DNM3: variants seen among roughly 807,000 people sequenced by gnomAD.
DNM3 encodes the protein dynamin-3.
DNM3 carries 47 observed loss-of-function variants against 101.6 expected under a neutral mutation model. That is an observed-to-expected ratio of 0.46 (90% CI 0.37 to 0.59). The LOEUF is 0.59. Ranked by LOEUF, DNM3 falls within the 20% of genes least tolerant of loss-of-function variation. The probability of loss-of-function intolerance (pLI) is 0.00; values close to 1 mark genes in which losing one functional copy is unlikely to be tolerated. For synonymous variants in DNM3, 385 were observed against 387.9 expected (o/e 0.99, Z 0.09); for missense variants, 849 against 1,085.7 (o/e 0.78, Z 3.06).
intron 1 of DNM3, among the ~76,000 whole-genome samples, chr1:171,867,949 C>T (rs950372723): frequency 6.6e-6 from 1 of 152,080 alleles, no homozygotes; most frequent in Non-Finnish European, 1.5e-5. Context: ...TATCACTTAA[C>T]ATTTTTGTTT....
At chr1:172,418,255 GTTTT>G (rs2071500520) in intron 20 of DNM3, 1 of 1,268,060 alleles carries the variant, frequency 7.9e-7, no homozygotes, top group Admixed American at 2.4e-5. Context: ...TTGTTATTTT[GTTTT>G]GTTTTGTTTT....
At chr1:171,911,273 C>CTTTTTTTTTT (rs151321245) in intron 1 of DNM3, among the ~76,000 whole-genome samples, 2 of 90,752 alleles carry the variant, frequency 2.2e-5, no homozygotes, top group African/African-American at 4.3e-5. Context: ...ACCCCAACAT[C>CTTTTTTTTTT]TTTTTTTTTT....
intron 17 of DNM3, among the ~76,000 whole-genome samples, chr1:172,337,173 A>G (rs77849943): frequency 1.1e-3 from 168 of 152,306 alleles, no homozygotes; most frequent in African/African-American, 4.0e-3. Flanking sequence ...TTACTATTTA[A>G]TAAGGCCCTG....
chr1:172,106,822 T>G lies in DNM3; in HGVS notation c.1545+13947T>G, dbSNP rs554554797. Among the ~76,000 whole-genome samples, 290 of 146,840 alleles carry G rather than the reference T, an allele frequency of 2.0e-3. 3 individuals carry two copies. The highest frequency in any genetic ancestry group is 6.8e-3 in the African/African-American group (276 of 40,298). ...GTTTGCCATTGAACGAATTTTCTTA[T>G]TATTCAATTTAAGGTAACATTATTC... is the stretch of plus-strand genomic sequence containing the variant. On this transcript the variant is annotated intron_variant, in intron 13 of 20. Transcript: ENST00000627582.
chr1:171,907,173 T>A (rs2038899786), intron 1 of DNM3, among the ~76,000 whole-genome samples: 1 of 152,228 alleles, frequency 6.6e-6, no homozygotes, highest in Non-Finnish European at 1.5e-5. Context: ...ACAGTTGATT[T>A]TTAATGGCTA....
chr1:172,301,182 T>C (rs2064430647), intron 15 of DNM3, among the ~76,000 whole-genome samples: 1 of 152,108 alleles, frequency 6.6e-6, no homozygotes, highest in Non-Finnish European at 1.5e-5. Context: ...GAAAGGTAAT[T>C]AGGAGTTTTT....
At chr1:172,177,933 C>T (rs558150833) in intron 14 of DNM3, among the ~76,000 whole-genome samples, 3 of 151,770 alleles carry the variant, frequency 2.0e-5, no homozygotes, top group South Asian at 2.1e-4. Context: ...CATTGCTTAA[C>T]GATATAATTA....
chr1:172,224,528 G>A (rs12411264), intron 14 of DNM3, among the ~76,000 whole-genome samples: 25,208 of 151,840 alleles, frequency 0.17, 2,476 homozygotes, highest in East Asian at 0.28. Context: ...AAATTGACCC[G>A]AGGGAAGCAA....
At chr1:172,077,862 C>A (rs1451792291) in intron 11 of DNM3, among the ~76,000 whole-genome samples, 1 of 151,972 alleles carries the variant, frequency 6.6e-6, no homozygotes, top group Non-Finnish European at 1.5e-5. Context: ...CCTTGTTAAC[C>A]TTCTGTCTCG....
chr1:172,177,501 T>A (rs1217796174), intron 14 of DNM3, among the ~76,000 whole-genome samples: 7 of 151,782 alleles, frequency 4.6e-5, no homozygotes, highest in Non-Finnish European at 7.4e-5. Flanking sequence ...TAAGGGGAAG[T>A]GGGGGCGCTA....
intron 14 of DNM3, among the ~76,000 whole-genome samples, chr1:172,179,761 C>G (rs2059279514): frequency 6.6e-6 from 1 of 151,902 alleles, no homozygotes; most frequent in Non-Finnish European, 1.5e-5. Flanking sequence ...GGTGACTACT[C>G]TGTAAAAGCA....
At chr1:172,281,836 C>T (rs1001049905) in intron 15 of DNM3, among the ~76,000 whole-genome samples, 2 of 151,798 alleles carry the variant, frequency 1.3e-5, no homozygotes, top group African/African-American at 2.4e-5. Context: ...ATGGATAGTC[C>T]GGTTACACTG....
chr1:172,216,238 C>G (rs899010064), intron 14 of DNM3, among the ~76,000 whole-genome samples: 1 of 152,010 alleles, frequency 6.6e-6, no homozygotes, highest in African/African-American at 2.4e-5. Context: ...GTATAATTCC[C>G]TTGGAAGATT....
intron 4 of DNM3, among the ~76,000 whole-genome samples, chr1:172,002,541 G>A (rs574102685): frequency 6.6e-6 from 1 of 152,164 alleles, no homozygotes; most frequent in East Asian, 1.9e-4. Context: ...TCTGCATGTT[G>A]AGAAATGGGC....
chr1:172,158,501 A>G (rs2058427248), intron 14 of DNM3, among the ~76,000 whole-genome samples: 2 of 152,196 alleles, frequency 1.3e-5, no homozygotes, highest in South Asian at 2.1e-4. Context: ...TCGCCTGTCC[A>G]GAACAGACAG....
intron 4 of DNM3, among the ~76,000 whole-genome samples, chr1:172,014,478 A>C (rs952277069): frequency 6.6e-5 from 10 of 152,096 alleles, no homozygotes; most frequent in Non-Finnish European, 1.3e-4. Context: ...AGTTTTGTGG[A>C]TCTTAGCCAT....
intron 14 of DNM3, among the ~76,000 whole-genome samples, chr1:172,162,147 T>A (rs1419698190): frequency 6.6e-6 from 1 of 152,098 alleles, no homozygotes; most frequent in East Asian, 1.9e-4. Flanking sequence ...GTAGGAAACA[T>A]AGGAATATGT....
chr1:171,918,778 G>C (rs915667664), intron 1 of DNM3, among the ~76,000 whole-genome samples: 16 of 152,128 alleles, frequency 1.1e-4, no homozygotes, highest in Admixed American at 1.0e-3. Flanking sequence ...AGAGAAAAAT[G>C]TTAGATGTAT....
rs570735320 is a variant in DNM3, at chr1:172,296,389, G to A, written c.1770-12339G>A. ...CAAAGGCCAAATGGTCTGTAGCCAA[G>A]GCCCTTGGGGGACTGGGTCATTTCC... is the stretch of plus-strand genomic sequence containing the variant. On this transcript the variant is annotated intron_variant, in intron 15 of 20. Coordinates refer to ENST00000627582, the MANE Select transcript of DNM3 (RefSeq NM_015569.5). 4.6e-5 allele frequency among the ~76,000 whole-genome samples: 7 copies of A among 152,362 alleles called. No individual in the cohort carries two copies. The South Asian group carries it at 1.2e-3, about 27-fold the overall frequency.
Sources: gnomAD v4.1 joint callset for allele counts (sites outside exome capture counted in the v4.1 genomes callset) on GRCh38, gnomAD v4.1.1 for gene constraint, MANE v1.5 for transcripts, NCBI Gene and HGNC (gene_info 2026-07-23, HGNC 2026-07-21) for gene names.